The following RALYL variants were observed in gnomAD, a reference collection of about 807,000 sequenced individuals.
RALYL encodes RALY RNA binding protein like.
RALYL carries 29 observed loss-of-function variants against 35.1 expected under a neutral mutation model. The observed-to-expected ratio is 0.83, with a 90% CI of 0.61 to 1.13. RALYL has a LOEUF of 1.13. Ranked by LOEUF, RALYL falls within the 50% of genes most tolerant of loss-of-function variation. RALYL has a pLI of 0.00. For synonymous variants in RALYL, 120 were observed against 127.6 expected, an observed-to-expected ratio of 0.94 and a Z score of 0.40; for missense variants, 359 against 360.4, an observed-to-expected ratio of 1.00 and a Z score of 0.03.
At chr8:84,904,494 T>C (rs1846166156) in intron 8 of RALYL, among the ~76,000 whole-genome samples, 1 of 152,160 alleles carries the variant, frequency 6.6e-6, no homozygotes, top group Non-Finnish European at 1.5e-5. Flanking sequence ...AAAAGAATTT[T>C]ATTTCTATAA....
intron 1 of RALYL, among the ~76,000 whole-genome samples, chr8:84,516,057 G>C (rs1401212170): frequency 6.6e-6 from 1 of 150,672 alleles, no homozygotes; most frequent in Non-Finnish European, 1.5e-5. Context: ...AGTGGGAGAG[G>C]TGGGTGGGGA....
intron 6 of RALYL, 82 bp from the exon 7 acceptor site, chr8:84,873,202 C>T (rs917960242): frequency 5.0e-5 from 32 of 634,768 alleles, no homozygotes; most frequent in Non-Finnish European, 8.0e-5. Context: ...TGAGAAAATA[C>T]GGGGTCCCTG....
At chr8:84,425,365 C>A (rs1262757030) in intron 1 of RALYL, among the ~76,000 whole-genome samples, 1 of 152,170 alleles carries the variant, frequency 6.6e-6, no homozygotes, top group Admixed American at 6.5e-5. Context: ...CTCCCTGACC[C>A]CTTGCGCTTC....
intron 2 of RALYL, among the ~76,000 whole-genome samples, chr8:84,730,019 C>T (rs1845830381): frequency 6.6e-6 from 1 of 152,158 alleles, no homozygotes; most frequent in African/African-American, 2.4e-5. Context: ...AGGGAATCTT[C>T]CCTAACTCAT....
chr8:84,192,902 T>TGG (rs1282664961), intron 1 of RALYL, among the ~76,000 whole-genome samples: 2 of 92,026 alleles, frequency 2.2e-5, no homozygotes, highest in African/African-American at 5.4e-5. Flanking sequence ...TGTGTGTGTG[T>TGG]GTGTGGGGGG....
chr8:84,444,130 A>C (rs2048618837), intron 1 of RALYL, among the ~76,000 whole-genome samples: 1 of 152,086 alleles, frequency 6.6e-6, no homozygotes, highest in Admixed American at 6.6e-5. Context: ...AGATTTTGAG[A>C]CCAGCCTGGG....
chr8:84,770,966 A>G (rs192864738), intron 2 of RALYL, among the ~76,000 whole-genome samples: 22 of 152,208 alleles, frequency 1.4e-4, no homozygotes, highest in African/African-American at 5.1e-4. Flanking sequence ...ACAGATGTAT[A>G]AATTGTGAAG....
intron 1 of RALYL, among the ~76,000 whole-genome samples, chr8:84,461,334 A>T (rs1241041876): frequency 6.6e-6 from 1 of 151,710 alleles, no homozygotes; most frequent in Non-Finnish European, 1.5e-5. Context: ...GCATTCACTC[A>T]TCTAAATTAA....
At chr8:84,598,136 T>C (rs1024472113) in intron 2 of RALYL, among the ~76,000 whole-genome samples, 2 of 152,122 alleles carry the variant, frequency 1.3e-5, no homozygotes, top group African/African-American at 4.8e-5. Flanking sequence ...TGGAATGCCT[T>C]ACTCCTCCCT....
intron 1 of RALYL, among the ~76,000 whole-genome samples, chr8:84,413,392 A>G (rs1445005931): frequency 6.6e-6 from 1 of 151,768 alleles, no homozygotes; most frequent in African/African-American, 2.4e-5. Context: ...GTCCAGCTAT[A>G]CATTGTATGT....
intron 1 of RALYL, among the ~76,000 whole-genome samples, chr8:84,525,934 ATTTTCTC>A (rs1180284344): frequency 8.8e-6 from 1 of 113,162 alleles, no homozygotes; most frequent in Non-Finnish European, 1.9e-5. Flanking sequence ...AATGACTTCT[ATTTTCTC>A]TTTTCTTTTT....
intron 1 of RALYL, among the ~76,000 whole-genome samples, chr8:84,446,027 G>T (rs1004039272): frequency 2.0e-5 from 3 of 151,850 alleles, no homozygotes; most frequent in Non-Finnish European, 4.4e-5. Context: ...AACAGGAAAT[G>T]ACAAATTTAG....
intron 5 of RALYL, among the ~76,000 whole-genome samples, chr8:84,857,431 G>A (rs1327229541): frequency 2.0e-5 from 3 of 152,152 alleles, no homozygotes; most frequent in Non-Finnish European, 2.9e-5. Context: ...AAAGAAACAG[G>A]TAAATACCAG....
At chr8:84,576,146 G>A (rs1809372814) in intron 2 of RALYL, among the ~76,000 whole-genome samples, 1 of 151,818 alleles carries the variant, frequency 6.6e-6, no homozygotes, top group Admixed American at 6.6e-5. Flanking sequence ...TTTTCTTCAA[G>A]CGTTTACTTG....
intron 2 of RALYL, among the ~76,000 whole-genome samples, chr8:84,638,239 A>C (rs1320875943): frequency 6.6e-6 from 1 of 151,950 alleles, no homozygotes; most frequent in African/African-American, 2.4e-5. Flanking sequence ...TCTAGATGGA[A>C]ATTAAAAAAT....
chr8:84,222,980 T>C (rs1035002305), intron 1 of RALYL, among the ~76,000 whole-genome samples: 3 of 152,126 alleles, frequency 2.0e-5, no homozygotes, highest in African/African-American at 7.2e-5. Context: ...ATTTCTCCAT[T>C]TAGAGAATAT....
At chr8:84,606,999 T>G (rs1046922062) in intron 2 of RALYL, among the ~76,000 whole-genome samples, 1 of 152,076 alleles carries the variant, frequency 6.6e-6, no homozygotes, top group Non-Finnish European at 1.5e-5. Flanking sequence ...AAGTGGGGTG[T>G]GTGTGTGTGT....
At chr8:84,220,006 A>G (rs1309388420) in intron 1 of RALYL, among the ~76,000 whole-genome samples, 1 of 152,012 alleles carries the variant, frequency 6.6e-6, no homozygotes, top group Admixed American at 6.6e-5. Flanking sequence ...GATTTTTTAG[A>G]TGCCTGATGT....
At chr8:84,254,640 T>G (rs1456005880) in intron 1 of RALYL, among the ~76,000 whole-genome samples, 1 of 151,544 alleles carries the variant, frequency 6.6e-6, no homozygotes, top group Non-Finnish European at 1.5e-5. Context: ...ATGCCAAAGT[T>G]TGTGTGTGTG....
Sources: allele counts gnomAD v4.1 joint callset (sites outside exome capture counted in the v4.1 genomes callset), GRCh38; gene constraint gnomAD v4.1.1; transcripts MANE v1.5; gene names NCBI Gene and HGNC (gene_info 2026-07-23, HGNC 2026-07-21).